The following TGFBR2 variants were observed in gnomAD, a reference collection of about 807,000 sequenced individuals.
TGFBR2 encodes TGF-beta receptor type-2.
A neutral mutation model predicts 49.0 loss-of-function variants in TGFBR2; 18 were observed. That is an observed-to-expected ratio of 0.37 (90% confidence interval 0.25 to 0.54). The LOEUF (loss-of-function observed/expected upper bound fraction) is 0.54. Among genes scored for constraint, TGFBR2 ranks in the 20% least tolerant of loss-of-function variants. The probability of loss-of-function intolerance (pLI) is 0.85; values close to 1 mark genes in which losing one functional copy is unlikely to be tolerated. For synonymous variants in TGFBR2, 282 were observed against 275.9 expected, an observed-to-expected ratio of 1.02 and a Z score of -0.22; for missense variants, 525 against 722.6, an observed-to-expected ratio of 0.73 and a Z score of 3.13.
chr3:30,654,103 A>T (rs1698950472), intron 3 of TGFBR2, among the ~76,000 whole-genome samples: 1 of 151,288 alleles, frequency 6.6e-6, no homozygotes, highest in Admixed American at 6.6e-5. Context: ...ATATCTCTGT[A>T]TGTTTCCAAA....
At chr3:30,688,782 A>C (rs1699665848) in intron 6 of TGFBR2, among the ~76,000 whole-genome samples, 1 of 152,224 alleles carries the variant, frequency 6.6e-6, no homozygotes, top group South Asian at 2.1e-4. Flanking sequence ...CTGGGTTAAA[A>C]CATTTTGTTT....
intron 1 of TGFBR2, among the ~76,000 whole-genome samples, chr3:30,615,965 C>A (rs1228318990): frequency 2.0e-5 from 3 of 152,052 alleles, no homozygotes; most frequent in East Asian, 1.9e-4. Context: ...TGGTCTTGAA[C>A]ACTGGGGCTC....
At chr3:30,630,427 A>G (rs1479243111) in intron 1 of TGFBR2, among the ~76,000 whole-genome samples, 1 of 152,194 alleles carries the variant, frequency 6.6e-6, no homozygotes, top group Non-Finnish European at 1.5e-5. Context: ...TTATTTCAGC[A>G]CACAAATGTG....
At chr3:30,617,440 A>C (rs1698152840) in intron 1 of TGFBR2, among the ~76,000 whole-genome samples, 1 of 152,238 alleles carries the variant, frequency 6.6e-6, no homozygotes, top group South Asian at 2.1e-4. Context: ...AAAAAATCTA[A>C]TAATAACATT....
intron 1 of TGFBR2, among the ~76,000 whole-genome samples, chr3:30,614,671 C>G (rs1187366770): frequency 6.6e-6 from 1 of 152,184 alleles, no homozygotes; most frequent in Non-Finnish European, 1.5e-5. Flanking sequence ...ATGCTGAGTA[C>G]TTCAGGTGTA....
intron 3 of TGFBR2, among the ~76,000 whole-genome samples, chr3:30,661,874 T>C (rs1699139281): frequency 6.6e-6 from 1 of 152,118 alleles, no homozygotes; most frequent in African/African-American, 2.4e-5. Context: ...ACTTTACCCT[T>C]AGAAAAAAGG....
At chr3:30,646,784 GCTTTTGCAACCCAAAAAGGCT>G (rs1234522163) in intron 2 of TGFBR2, among the ~76,000 whole-genome samples, 1 of 152,024 alleles carries the variant, frequency 6.6e-6, no homozygotes, top group African/African-American at 2.4e-5. Context: ...GTGAGCACTT[GCTTTTGCAACCCAAAAAGGCT>G]CTTTTAATTA....
chr3:30,684,286 G>T (rs1199423365), intron 5 of TGFBR2, among the ~76,000 whole-genome samples: 1 of 152,094 alleles, frequency 6.6e-6, no homozygotes, highest in Non-Finnish European at 1.5e-5. Context: ...TGGAGGTTGG[G>T]AGTAGGATGT....
chr3:30,687,915 C>T (rs1208975825), intron 5 of TGFBR2, among the ~76,000 whole-genome samples: 1 of 152,194 alleles, frequency 6.6e-6, no homozygotes, highest in Non-Finnish European at 1.5e-5. Context: ...GCCAGAGTTT[C>T]ATTCCTTTTT....
chr3:30,670,666 A>G (rs2125432221), intron 3 of TGFBR2, among the ~76,000 whole-genome samples: 1 of 152,372 alleles, frequency 6.6e-6, no homozygotes, highest in South Asian at 2.1e-4. Flanking sequence ...ACATGAAACA[A>G]AGTTTGAGGC....
chr3:30,608,823 T>G (rs1354692687), intron 1 of TGFBR2, among the ~76,000 whole-genome samples: 1 of 152,242 alleles, frequency 6.6e-6, no homozygotes, highest in Non-Finnish European at 1.5e-5. Context: ...GTCTCTCATT[T>G]TCCTCCAGAC....
intron 5 of TGFBR2, among the ~76,000 whole-genome samples, chr3:30,675,919 C>G (rs1340296674): frequency 6.6e-6 from 1 of 152,188 alleles, no homozygotes; most frequent in Non-Finnish European, 1.5e-5. Flanking sequence ...GAAACAGGAT[C>G]CAGTCTAGGA....
intron 1 of TGFBR2, among the ~76,000 whole-genome samples, chr3:30,632,468 T>C (rs1027869779): frequency 2.0e-5 from 3 of 152,214 alleles, no homozygotes; most frequent in Admixed American, 6.5e-5. Context: ...CGATGATTGA[T>C]TCCATTGTAT....
At position 30,607,793 on chromosome 3, in the gene TGFBR2, T is replaced by TA. The variant is rs1193104700; in HGVS notation, c.94+823dup. Among the ~76,000 whole-genome samples the TA allele has an allele frequency of 8.5e-4, 115 of 134,674 alleles. 2 individuals carry two copies. The highest frequency in any genetic ancestry group is 2.8e-3 in the African/African-American group (91 of 32,232). The allele number at this position is 134,674 out of a possible 152,430, so 88.4% of individuals were successfully genotyped here. On this transcript the variant is annotated intron_variant, in intron 1 of 6. Transcript: ENST00000295754. ...AAGGTTTTTAAGGAAAAAATAAAAA[T>TA]AAAAAAATATATATATATATTATAT...
intron 5 of TGFBR2, among the ~76,000 whole-genome samples, chr3:30,680,534 T>C (rs1699521430): frequency 6.7e-6 from 1 of 150,264 alleles, no homozygotes. Context: ...GAAGAGCCAG[T>C]ATTTTAGGGA....
chr3:30,634,275 G>A (rs933466047), intron 1 of TGFBR2, among the ~76,000 whole-genome samples: 1 of 152,110 alleles, frequency 6.6e-6, no homozygotes, highest in African/African-American at 2.4e-5. Context: ...GTTCTTACCA[G>A]ATTTTGTGTT....
At chr3:30,667,032 C>T (rs1699259131) in intron 3 of TGFBR2, among the ~76,000 whole-genome samples, 1 of 152,102 alleles carries the variant, frequency 6.6e-6, no homozygotes, top group Non-Finnish European at 1.5e-5. Context: ...AGGCAATGCT[C>T]ATTGTAAATA....
chr3:30,632,700 G>A (rs17025809), intron 1 of TGFBR2, among the ~76,000 whole-genome samples: 5,674 of 152,240 alleles, frequency 0.037, 361 homozygotes, highest in African/African-American at 0.13. Flanking sequence ...TCTAGCAAGT[G>A]AATGCTTGTG....
At position 30,672,137 on chromosome 3, in the gene TGFBR2, G is replaced by A. The variant is rs2125435306; in HGVS notation, c.954G>A (p.Gly318=). ...LTAEERKTEL[G]KQYWLITAFH... The stretch of plus-strand genomic sequence containing the variant: ...CTGAGGAGCGGAAGACGGAGTTGGG[G>A]AAACAATACTGGCTGATCACCGCCT... The change falls in exon 4 of 7, where the codon GGG becomes GGA. Residue 318 remains glycine, a synonymous_variant. Coordinates refer to ENST00000295754, the MANE Select transcript of TGFBR2 (RefSeq NM_003242.6). This position sits in a 1 kb window ranked among gnomAD's most constrained non-coding sequence, Gnocchi z 4.5. 1.2e-6 allele frequency: 2 copies of A among 1,614,182 alleles called. No homozygotes were observed. Among genetic ancestry groups the A allele is most frequent in the Non-Finnish European group, 1.7e-6 (2 of 1,180,032 alleles).
Sources: allele counts gnomAD v4.1 joint callset (sites outside exome capture counted in the v4.1 genomes callset), GRCh38; gene constraint gnomAD v4.1.1; non-coding constraint Gnocchi (gnomAD v3.1); transcripts MANE v1.5; gene names NCBI Gene and HGNC (gene_info 2026-07-23, HGNC 2026-07-21).